The following ATP6V0A2 variants were observed in gnomAD, a reference collection of about 807,000 sequenced individuals.
ATP6V0A2 encodes V-type proton ATPase 116 kDa subunit a 2.
ATP6V0A2 carries 58 observed loss-of-function variants against 104.4 expected under a neutral mutation model. The observed-to-expected ratio is 0.56, with a 90% CI of 0.45 to 0.69. ATP6V0A2 has a LOEUF of 0.69. Among genes scored for constraint, ATP6V0A2 ranks in the 30% least tolerant of loss-of-function variants. The pLI is 0.00. For missense variants in ATP6V0A2, 938 were observed against 1,062.9 expected, an observed-to-expected ratio of 0.88 and a Z score of 1.63; for synonymous variants, 376 against 397.9, an observed-to-expected ratio of 0.95 and a Z score of 0.65.
chr12:123,757,313 C>T (rs915023636), intron 19 of ATP6V0A2, among the ~76,000 whole-genome samples: 3 of 151,908 alleles, frequency 2.0e-5, no homozygotes, highest in East Asian at 1.9e-4. Flanking sequence ...TGGTGTCGTG[C>T]GCCTATAATA....
At chr12:123,731,437 G>A (rs1956500641) in intron 6 of ATP6V0A2, 1 of 152,236 alleles carries the variant, frequency 6.6e-6, no homozygotes, top group Admixed American at 6.5e-5. Context: ...ATCAAAGCTA[G>A]ACATGGGCGC....
At chr12:123,718,816 A>G (rs1277195833) in intron 2 of ATP6V0A2, 115 bp downstream of exon 2, 2 of 711,474 alleles carry the variant, frequency 2.8e-6, no homozygotes, top group Non-Finnish European at 4.7e-6. Flanking sequence ...AAGAAATTGT[A>G]TTCTCATTCA....
intron 18 of ATP6V0A2, 105 bp downstream of exon 18, chr12:123,754,642 T>C: frequency 1.2e-6 from 1 of 812,492 alleles, no homozygotes. Flanking sequence ...CATAGCACCA[T>C]CTTTCAGCTG....
rs201953013 is a variant in ATP6V0A2, at chr12:123,724,543, GA to G, written c.295-104del. On this transcript the variant is annotated intron_variant, in intron 3 of 19. Coordinates refer to ENST00000330342, the MANE Select transcript of ATP6V0A2 (RefSeq NM_012463.4). ...GACTCCATCTCAAAAAAAAAAAAAA[GA>G]AAAAAACAAAACAAAAAAACCCACT... is the stretch of plus-strand genomic sequence containing the variant. The G allele has an allele frequency of 5.9e-6, 6 of 1,017,148 alleles. No homozygotes were observed. The East Asian group carries it at 1.1e-4, about 19-fold the overall frequency. The allele number at this position is 1,017,148 out of a possible 1,614,324, so 63.0% of individuals were successfully genotyped here.
At position 123,744,757 on chromosome 12, in the gene ATP6V0A2, C is replaced by G; in HGVS notation, c.1487C>G (p.Ala496Gly). ...ATGTACAGCTCCAGCCACCCACCCGCAGAGCATAAGAAGATGGTGCTTTGG... is the reference window on the plus strand; with the variant it reads ...ATGTACAGCTCCAGCCACCCACCCGGAGAGCATAAGAAGATGGTGCTTTGG... ...SAMYSSSHPP[A>G]EHKKMVLWND... The change falls in exon 12 of 20, where the codon GCA becomes GGA. Residue 496 changes from alanine (A) to glycine (G), a missense_variant. Physicochemically the swap from Ala to Gly is moderately conservative, Grantham distance 60. Transcript: ENST00000330342. This position sits in a 1 kb window ranked among gnomAD's most constrained non-coding sequence, Gnocchi z 5.4. 6.2e-7 allele frequency: 1 copy of G among 1,614,190 alleles called. No individual in the cohort carries two copies. Among genetic ancestry groups the G allele is most frequent in the Non-Finnish European group, 8.5e-7 (1 of 1,180,038 alleles).
chr12:123,714,286 G>A (rs1297981972), intron 1 of ATP6V0A2, among the ~76,000 whole-genome samples: 6 of 152,202 alleles, frequency 3.9e-5, no homozygotes, highest in African/African-American at 1.4e-4. Flanking sequence ...AGAAGAAAGT[G>A]CTGTTCATCT....
At chr12:123,749,126 C>CA (rs1471536955) in intron 15 of ATP6V0A2, among the ~76,000 whole-genome samples, 2 of 152,168 alleles carry the variant, frequency 1.3e-5, no homozygotes, top group Admixed American at 6.5e-5. Flanking sequence ...CTCATCTCTA[C>CA]AAAAAACACA....
rs527609188 is a variant in ATP6V0A2, at chr12:123,736,807, C to T, written c.826-252C>T. 2.0e-5 allele frequency among the ~76,000 whole-genome samples: 3 copies of T among 152,194 alleles called. No homozygotes were observed. In the South Asian group the frequency reaches 6.2e-4, roughly 32 times the overall value. On this transcript the variant is annotated intron_variant, in intron 8 of 19. Coordinates refer to ENST00000330342, the MANE Select transcript of ATP6V0A2 (RefSeq NM_012463.4). ...CTAACCATTTCCTGTGCCCTAGGGT[C>T]ATGTTCTCCAGAGGCAACCTCCCAA...
chr12:123,717,089 C>T (rs1472371193), intron 1 of ATP6V0A2, among the ~76,000 whole-genome samples: 1 of 151,704 alleles, frequency 6.6e-6, no homozygotes, highest in East Asian at 2.0e-4. Flanking sequence ...CCGAGGTGGG[C>T]GAATCATCTG....
At chr12:123,751,314 G>A (rs1437522267) in intron 16 of ATP6V0A2, 85 bp downstream of exon 16, 5 of 1,589,584 alleles carry the variant, frequency 3.1e-6, no homozygotes, top group Non-Finnish European at 3.4e-6. Flanking sequence ...ACACCTCCTG[G>A]AGGGTCCCTG....
intron 13 of ATP6V0A2, among the ~76,000 whole-genome samples, chr12:123,745,784 C>A (rs1410366045): frequency 1.3e-5 from 2 of 151,486 alleles, no homozygotes; most frequent in African/African-American, 4.9e-5. Flanking sequence ...GCTCAGCAGG[C>A]GGTGGCTGAG....
rs1363104708 is a variant in ATP6V0A2 at position 123,744,133 on chromosome 12, G to T, written c.1190-68G>T. On this transcript the variant is annotated intron_variant, in intron 10 of 19. Transcript: ENST00000330342. The surrounding 1 kb of genome is among the most constrained non-coding windows in gnomAD (Gnocchi z 5.4). ...AAAGTCAAGATTGTTATGTATCATT[G>T]TGTTTGAATGAACTCAGGTTTTCCA... The T allele has an allele frequency of 2.1e-5, 33 of 1,592,298 alleles. No individual in the cohort carries two copies. Among genetic ancestry groups the T allele is most frequent in the Non-Finnish European group, 2.8e-5 (32 of 1,161,046 alleles).
chr12:123,755,523 G>C (rs1956754426), intron 18 of ATP6V0A2, among the ~76,000 whole-genome samples: 1 of 140,408 alleles, frequency 7.1e-6, no homozygotes. Flanking sequence ...GTGACAGACC[G>C]AGACTCTGTC....
At chr12:123,750,765 A>G in intron 15 of ATP6V0A2, 1 of 343,444 alleles carries the variant, frequency 2.9e-6, no homozygotes, top group Non-Finnish European at 5.6e-6. Context: ...AACAGAACCA[A>G]GAATATACAA....
chr12:123,746,737 A>C (rs939890408), intron 13 of ATP6V0A2, among the ~76,000 whole-genome samples: 1 of 151,714 alleles, frequency 6.6e-6, no homozygotes, highest in African/African-American at 2.4e-5. Context: ...ACCTGAGGTC[A>C]GGAGTTTGAG....
At chr12:123,757,903 A>G in intron 19 of ATP6V0A2, 24 bp from the exon 20 acceptor site, 1 of 1,398,040 alleles carries the variant, frequency 7.2e-7, no homozygotes, top group Non-Finnish European at 1.0e-6. Flanking sequence ...TCTTCCATTA[A>G]TACATGGCTT....
In ATP6V0A2 at chr12:123,752,404, TA is replaced by T. The variant is rs773091236; in HGVS notation, c.2175+5del. The T allele has an allele frequency of 3.7e-6, 6 of 1,613,942 alleles. No homozygotes were observed. Among genetic ancestry groups the T allele is most frequent in the Non-Finnish European group, 5.1e-6 (6 of 1,179,910 alleles). On this transcript the variant is annotated splice_donor_region_variant and intron_variant, in intron 17 of 19. Transcript: ENST00000330342. ...TGTAGAGAAATGGCGTGTGAAGAGGTAAATCTTTTCAACTGCTATTGATAAA... is the reference window on the plus strand; with the variant it reads ...TGTAGAGAAATGGCGTGTGAAGAGGTAATCTTTTCAACTGCTATTGATAAA...
intron 8 of ATP6V0A2, among the ~76,000 whole-genome samples, chr12:123,736,185 CTTTTTT>C (rs75644082): frequency 1.2e-5 from 1 of 81,916 alleles, no homozygotes. Context: ...GATTGTGATT[CTTTTTT>C]TTTTTTTTTT....
rs746856615 is a variant in ATP6V0A2 at position 123,737,081 on chromosome 12, A to G, written c.848A>G (p.Tyr283Cys). 2.5e-6 allele frequency: 4 copies of G among 1,614,106 alleles called. No homozygotes were observed. The highest frequency in any genetic ancestry group is 2.7e-5 in the African/African-American group (2 of 74,932). Residue 283 changes from tyrosine to cysteine, a missense_variant, in exon 9 of 20, where the codon TAT becomes TGT. Transcript: ENST00000330342. ...LYTVLHKTEDYLRQVLCKAAE... is the reference protein window; with the variant it reads ...LYTVLHKTEDCLRQVLCKAAE... ...CAGGTACTGCACAAAACCGAGGACTATTTGAGGCAAGTGCTATGTAAAGCC... is the reference window on the plus strand; with the variant it reads ...CAGGTACTGCACAAAACCGAGGACTGTTTGAGGCAAGTGCTATGTAAAGCC...
Sources: gnomAD v4.1 joint callset for allele counts (sites outside exome capture counted in the v4.1 genomes callset) on GRCh38, gnomAD v4.1.1 for gene constraint, Gnocchi (gnomAD v3.1) non-coding constraint, MANE v1.5 for transcripts, NCBI Gene and HGNC (gene_info 2026-07-23, HGNC 2026-07-21) for gene names.